TBC1D30: variants seen among roughly 807,000 people sequenced by gnomAD.
The protein encoded by TBC1D30 is TBC1 domain family, member 30.
A neutral mutation model predicts 63.2 loss-of-function variants in TBC1D30; 31 were observed. That is an observed-to-expected ratio of 0.49 (90% CI 0.37 to 0.66). The LOEUF is 0.66. Ranked by LOEUF, TBC1D30 falls within the 30% of genes least tolerant of loss-of-function variation. The pLI is 0.00. For missense variants in TBC1D30, 810 were observed against 953.6 expected (o/e 0.85, Z 1.98); for synonymous variants, 307 against 361.5 (o/e 0.85, Z 1.71).
At chr12:64,770,549 C>T (rs1018142674) in intron 1 of TBC1D30, among the ~76,000 whole-genome samples, 2 of 152,138 alleles carry the variant, frequency 1.3e-5, no homozygotes, top group Non-Finnish European at 2.9e-5. Context: ...ACTTTGGGGC[C>T]CTTAAGTGCC....
At chr12:64,831,587 A>G (rs1363938618) in intron 4 of TBC1D30, among the ~76,000 whole-genome samples, 1 of 152,208 alleles carries the variant, frequency 6.6e-6, no homozygotes, top group Non-Finnish European at 1.5e-5. Flanking sequence ...CATAGCAAAT[A>G]TTTCTGTCTT....
rs1323157677 is a variant in TBC1D30, at chr12:64,875,193, C to T, written c.1691C>T (p.Pro564Leu). The change falls in exon 12 of 12, where the codon CCG becomes CTG. Residue 564 changes from proline to leucine, a missense_variant. This residue lies in a region of TBC1D30 where 450 missense variants were observed against 473.0 expected (regional missense o/e 0.95). Transcript: ENST00000539867. The part of the protein sequence containing the change: ...YEDLKTKLNS[P>L]WRTHIRVHKK... ...GACCTTAAGACGAAGCTCAACTCCCCGTGGCGAACTCACATCCGAGTCCAC... is the reference window on the plus strand; with the variant it reads ...GACCTTAAGACGAAGCTCAACTCCCTGTGGCGAACTCACATCCGAGTCCAC... The T allele has an allele frequency of 4.6e-6, 7 of 1,536,358 alleles. No individual in the cohort carries two copies. The highest frequency in any genetic ancestry group is 2.4e-5 in the East Asian group (1 of 40,902).
At chr12:64,873,066 AT>A (rs771760639) in intron 11 of TBC1D30, among the ~76,000 whole-genome samples, 3 of 152,164 alleles carry the variant, frequency 2.0e-5, no homozygotes, top group Non-Finnish European at 4.4e-5. Context: ...GAGATGGTAT[AT>A]GATAGGATTA....
chr12:64,841,063 T>TA (rs1187674963), intron 7 of TBC1D30, among the ~76,000 whole-genome samples: 3 of 152,200 alleles, frequency 2.0e-5, no homozygotes, highest in Admixed American at 2.0e-4. Context: ...AGCTAGTTCA[T>TA]AGTCACACAG....
chr12:64,860,416 A>G (rs1404851846), intron 8 of TBC1D30, among the ~76,000 whole-genome samples: 2 of 151,770 alleles, frequency 1.3e-5, no homozygotes, highest in Non-Finnish European at 2.9e-5. Context: ...GGCCTCCCAA[A>G]GTGTTGGGAT....
intron 10 of TBC1D30, among the ~76,000 whole-genome samples, chr12:64,869,686 C>G (rs1176560398): frequency 6.6e-6 from 1 of 151,990 alleles, no homozygotes; most frequent in Non-Finnish European, 1.5e-5. Flanking sequence ...TCACTTTCTC[C>G]TAAATTTCAT....
chr12:64,851,748 G>A (rs926450075), intron 8 of TBC1D30, among the ~76,000 whole-genome samples: 1 of 152,124 alleles, frequency 6.6e-6, no homozygotes, highest in Non-Finnish European at 1.5e-5. Context: ...GCATTTGCTT[G>A]TCTGGGATTT....
At chr12:64,824,566 G>A (rs1050275477), upstream of TBC1D30, 7 of 296,778 alleles carry the variant, frequency 2.4e-5, no homozygotes, top group Non-Finnish European at 4.4e-5. Context: ...GGGATTGGGG[G>A]CGGGCACGCC....
At chr12:64,842,980 C>A (rs1876016000) in intron 7 of TBC1D30, among the ~76,000 whole-genome samples, 1 of 152,116 alleles carries the variant, frequency 6.6e-6, no homozygotes, top group Admixed American at 6.5e-5. Context: ...TGATTGATAA[C>A]CTGAGTTATT....
chr12:64,826,829 A>G (rs1874398177), intron 1 of TBC1D30, among the ~76,000 whole-genome samples: 1 of 152,246 alleles, frequency 6.6e-6, no homozygotes, highest in Admixed American at 6.5e-5. Context: ...GCGCTCTTCC[A>G]GGGTTCCAAG....
intron 1 of TBC1D30, among the ~76,000 whole-genome samples, chr12:64,772,432 T>C (rs1256850833): frequency 1.3e-5 from 2 of 151,890 alleles, no homozygotes; most frequent in East Asian, 3.9e-4. Context: ...CATCACTTCC[T>C]TTATTTATTT....
Position 64,827,768 on chromosome 12 carries a change from C to T in TBC1D30, c.155-67C>T, listed in dbSNP as rs1339831963. 23 of 1,064,898 alleles carry T rather than the reference C, an allele frequency of 2.2e-5. No individual in the cohort carries two copies. In the Admixed American group the frequency reaches 5.7e-4, roughly 26 times the overall value. 66.0% of individuals were successfully genotyped at this position (1,064,898 alleles called of 1,614,324 possible). On this transcript the variant is annotated intron_variant, in intron 1 of 11. Coordinates refer to ENST00000539867, the MANE Select transcript of TBC1D30 (RefSeq NM_015279.2). ...ATGATTCAGTAGAATCAAGCTTTTACTAGTATTTTTGATATAACTTGTTAT... is the reference window on the plus strand; with the variant it reads ...ATGATTCAGTAGAATCAAGCTTTTATTAGTATTTTTGATATAACTTGTTAT...
At position 64,879,483 on chromosome 12, in the gene TBC1D30, T is replaced by C. The variant is rs561178016; in HGVS notation, c.*3695T>C. The C allele has an allele frequency of 6.6e-6, 1 of 152,332 alleles. No homozygotes were observed. Among genetic ancestry groups the C allele is most frequent in the South Asian group, 2.1e-4 (1 of 4,828 alleles). 9.4% of individuals were successfully genotyped at this position (152,332 alleles called of 1,614,324 possible). A position where few individuals can be genotyped will look rare whatever the true frequency, so the allele number is the denominator to read the frequency against. ...TTTTAAGATACATATATCTCCAAAT[T>C]GCCATTCTTAAAGGTTGGAGTTATA... is the stretch of plus-strand genomic sequence containing the variant. On this transcript the variant is annotated 3_prime_UTR_variant, in exon 12 of 12. Transcript: ENST00000539867.
At chr12:64,869,642 T>C (rs1050882936) in intron 10 of TBC1D30, among the ~76,000 whole-genome samples, 12 of 152,202 alleles carry the variant, frequency 7.9e-5, no homozygotes, top group South Asian at 4.1e-4. Flanking sequence ...TCTGTTTTTC[T>C]TTCTGTGCAT....
At chr12:64,839,000 A>G in intron 7 of TBC1D30, 149 bp downstream of exon 7, 1 of 763,716 alleles carries the variant, frequency 1.3e-6, no homozygotes, top group Non-Finnish European at 2.0e-6. Context: ...CAGCAGGCTC[A>G]TTGCTGGCAC....
At chr12:64,843,188 T>C (rs754931336) in intron 7 of TBC1D30, among the ~76,000 whole-genome samples, 192 bp from the exon 8 acceptor site, 1 of 152,178 alleles carries the variant, frequency 6.6e-6, no homozygotes, top group Non-Finnish European at 1.5e-5. Flanking sequence ...TTAAAATTAT[T>C]TGGAGAGATG....
At chr12:64,814,513 T>C (rs1873408495) in intron 2 of TBC1D30, among the ~76,000 whole-genome samples, 1 of 152,230 alleles carries the variant, frequency 6.6e-6, no homozygotes, top group Non-Finnish European at 1.5e-5. Flanking sequence ...GGTACTTAGT[T>C]TTCAAGTATC....
chr12:64,840,249 T>G (rs375565873), intron 7 of TBC1D30, among the ~76,000 whole-genome samples: 110 of 152,304 alleles, frequency 7.2e-4, no homozygotes, highest in African/African-American at 2.6e-3. Context: ...CTCTATACAT[T>G]GTAAGCCCTT....
At chr12:64,843,200 GGTCTTGCTGCATTGA>G (rs1239361551) in intron 7 of TBC1D30, among the ~76,000 whole-genome samples, 165 bp from the exon 8 acceptor site, 6 of 152,100 alleles carry the variant, frequency 3.9e-5, no homozygotes. Context: ...GGAGAGATGG[GGTCTTGCTGCATTGA>G]GGCTCCTGGC....
Sources: gnomAD v4.1 joint callset for allele counts (sites outside exome capture counted in the v4.1 genomes callset) on GRCh38, gnomAD v4.1.1 for gene constraint, gnomAD v4.1.1 regional missense constraint, MANE v1.5 for transcripts, NCBI Gene and HGNC (gene_info 2026-07-23, HGNC 2026-07-21) for gene names.